DYDC1: variants seen among roughly 807,000 people sequenced by gnomAD.
The protein encoded by DYDC1 is DPY30 domain containing 1.
DYDC1 carries 21 observed loss-of-function variants against 27.9 expected under a neutral mutation model. The ratio of observed to expected loss-of-function variants is 0.75; its 90% CI spans 0.53 to 1.08. The LOEUF (loss-of-function observed/expected upper bound fraction) is 1.08, where lower values mean the gene tolerates loss of function less well. Among genes scored for constraint, DYDC1 ranks in the 50% least tolerant of loss-of-function variants. DYDC1 has a pLI of 0.00. For synonymous variants in DYDC1, 67 were observed against 65.8 expected (o/e 1.02, Z -0.09); for missense variants, 202 against 205.9 (o/e 0.98, Z 0.12).
intron 1 of DYDC1, chr10:80,356,398 G>A: frequency 2.0e-6 from 2 of 985,652 alleles, no homozygotes; most frequent in Non-Finnish European, 2.4e-6. Flanking sequence ...AACTGGGCGG[G>A]GGCACCCGGG....
At chr10:80,349,868 G>A (rs1050442450) in intron 3 of DYDC1, among the ~76,000 whole-genome samples, 1 of 152,068 alleles carries the variant, frequency 6.6e-6, no homozygotes, top group African/African-American at 2.4e-5. Flanking sequence ...ATAGAAAATG[G>A]CAATAAAAAT....
At chr10:80,350,860 G>A (rs1221865621) in intron 3 of DYDC1, among the ~76,000 whole-genome samples, 1 of 152,072 alleles carries the variant, frequency 6.6e-6, no homozygotes, top group African/African-American at 2.4e-5. Context: ...TGTACTCCAT[G>A]ACCCATCCCT....
intron 4 of DYDC1, among the ~76,000 whole-genome samples, chr10:80,341,742 C>G (rs528928368): frequency 2.0e-5 from 3 of 151,938 alleles, no homozygotes; most frequent in Non-Finnish European, 4.4e-5. Flanking sequence ...TCCAGTGAGA[C>G]GGCCAGGGGC....
chr10:80,345,937 G>A (rs1842593927), intron 3 of DYDC1, among the ~76,000 whole-genome samples: 1 of 152,050 alleles, frequency 6.6e-6, no homozygotes, highest in African/African-American at 2.4e-5. Flanking sequence ...AACCTCCAGG[G>A]CTCAATTAAT....
intron 1 of DYDC1, among the ~76,000 whole-genome samples, chr10:80,354,883 A>G (rs1007468672): frequency 3.9e-5 from 6 of 152,198 alleles, no homozygotes; most frequent in Admixed American, 2.0e-4. Flanking sequence ...CAGTGTTGGT[A>G]ATTTGCTACA....
chr10:80,350,737 C>CT (rs541639162), intron 3 of DYDC1, among the ~76,000 whole-genome samples: 148 of 152,296 alleles, frequency 9.7e-4, no homozygotes, highest in African/African-American at 3.5e-3. Flanking sequence ...AGTCAAGACT[C>CT]TGGGGTTAAG....
chr10:80,344,846 A>G (rs1201251316), intron 3 of DYDC1: 2 of 201,044 alleles, frequency 9.9e-6, no homozygotes, highest in African/African-American at 4.7e-5. Context: ...TTTTCTTCCC[A>G]GTGTTGGGTA....
chr10:80,346,313 T>C (rs1328180984), intron 3 of DYDC1, among the ~76,000 whole-genome samples: 1 of 152,204 alleles, frequency 6.6e-6, no homozygotes, highest in Non-Finnish European at 1.5e-5. Flanking sequence ...CTGGGTCATA[T>C]GGTAGCTTTT....
At chr10:80,343,838 T>C (rs1022303726) in intron 3 of DYDC1, among the ~76,000 whole-genome samples, 19 of 151,738 alleles carry the variant, frequency 1.3e-4, no homozygotes, top group South Asian at 4.2e-4. Flanking sequence ...AATTAGAAAA[T>C]GTAAAACAGA....
intron 3 of DYDC1, among the ~76,000 whole-genome samples, chr10:80,343,691 T>A (rs1346143172): frequency 6.6e-6 from 1 of 152,168 alleles, no homozygotes; most frequent in East Asian, 1.9e-4. Context: ...TGTATTATTT[T>A]GTCATCAAAT....
chr10:80,338,656 T>C, intron 5 of DYDC1, 85 bp from the exon 6 acceptor site: 1 of 1,335,054 alleles, frequency 7.5e-7, no homozygotes, highest in Non-Finnish European at 9.8e-7. Flanking sequence ...AAAAATTTTC[T>C]GATTTATAAC....
At chr10:80,341,117 G>A (rs1414807193) in intron 4 of DYDC1, among the ~76,000 whole-genome samples, 1 of 151,936 alleles carries the variant, frequency 6.6e-6, no homozygotes, top group African/African-American at 2.4e-5. Flanking sequence ...ATAAAAAGGG[G>A]GAGAAACATT....
intron 3 of DYDC1, among the ~76,000 whole-genome samples, chr10:80,344,584 A>G (rs756422764): frequency 6.6e-6 from 1 of 152,226 alleles, no homozygotes; most frequent in Non-Finnish European, 1.5e-5. Context: ...CTTGAATTGT[A>G]TCTCCCAGAA....
intron 3 of DYDC1, among the ~76,000 whole-genome samples, chr10:80,347,138 GT>G (rs1158510519): frequency 6.6e-6 from 1 of 151,880 alleles, no homozygotes; most frequent in Non-Finnish European, 1.5e-5. Context: ...TCTCATAGTG[GT>G]TTTGATTTGC....
At chr10:80,352,423 T>C in intron 2 of DYDC1, 32 bp downstream of exon 2, 1 of 1,529,970 alleles carries the variant, frequency 6.5e-7, no homozygotes, top group Non-Finnish European at 8.7e-7. Context: ...GTTTTTTTTC[T>C]TCTAATTTCC....
At chr10:80,336,276 T>C in intron 6 of DYDC1, 91 bp from the exon 7 acceptor site, 1 of 1,441,804 alleles carries the variant, frequency 6.9e-7, no homozygotes, top group Non-Finnish European at 9.1e-7. Flanking sequence ...GTAACTTCTA[T>C]GTGACTACAT....
At chr10:80,354,561 G>A (rs931920260) in intron 1 of DYDC1, 4 of 150,922 alleles carry the variant, frequency 2.7e-5, no homozygotes, top group African/African-American at 9.8e-5. Context: ...CAAAACTATT[G>A]TGAATTGAAT....
intron 4 of DYDC1, among the ~76,000 whole-genome samples, chr10:80,339,542 G>A (rs773511144): frequency 1.6e-4 from 25 of 152,168 alleles, no homozygotes; most frequent in Middle Eastern, 3.4e-3. Flanking sequence ...CGAGAAAGAA[G>A]TAAACACTTC....
At position 80,342,261 on chromosome 10, in the gene DYDC1, C is replaced by T; in HGVS notation, c.342+8G>A. 6.2e-7 allele frequency: 1 copy of T among 1,612,086 alleles called. No homozygotes were observed. Among genetic ancestry groups the T allele is most frequent in the Non-Finnish European group, 8.5e-7 (1 of 1,179,328 alleles). ...AATAAAACTGACATTTATAAAACTT[C>T]AAATTACCTTGCCTAATTGTTCTTG... On this transcript the variant is annotated splice_region_variant and intron_variant, in intron 4 of 6. Transcript: ENST00000372202.
Sources: gnomAD v4.1 joint callset for allele counts (sites outside exome capture counted in the v4.1 genomes callset) on GRCh38, gnomAD v4.1.1 for gene constraint, MANE v1.5 for transcripts, NCBI Gene and HGNC (gene_info 2026-07-23, HGNC 2026-07-21) for gene names.